The following TPRG1 variants were observed in gnomAD, a reference collection of about 807,000 sequenced individuals.
TPRG1 encodes the protein tumor protein p63 regulated 1.
In TPRG1, 29 loss-of-function variants were observed where a neutral mutation model predicts 29.3. That is an observed-to-expected ratio of 0.99 (90% CI 0.74 to 1.35). The LOEUF (loss-of-function observed/expected upper bound fraction) is 1.35, where lower values mean the gene tolerates loss of function less well. TPRG1 is among the 40% of genes most tolerant of loss of function. The pLI, the probability that TPRG1 is intolerant of heterozygous loss-of-function variation, is 0.00. For synonymous variants in TPRG1, 130 were observed against 116.8 expected (o/e 1.11, Z -0.73); for missense variants, 327 against 335.0 (o/e 0.98, Z 0.19).
chr3:189,221,042 A>G (rs542951757), intron 3 of TPRG1, among the ~76,000 whole-genome samples: 1 of 152,348 alleles, frequency 6.6e-6, no homozygotes, highest in South Asian at 2.1e-4. Context: ...ATGACACACA[A>G]ATGTAAGGGT....
intron 4 of TPRG1, among the ~76,000 whole-genome samples, chr3:189,034,783 A>G (rs1361246623): frequency 6.6e-6 from 1 of 152,216 alleles, no homozygotes; most frequent in Admixed American, 6.5e-5. Context: ...GAAAGAAATC[A>G]GAGATGACAC....
chr3:189,300,887 G>A (rs1218385688), intron 4 of TPRG1, among the ~76,000 whole-genome samples: 2 of 152,182 alleles, frequency 1.3e-5, no homozygotes, highest in African/African-American at 4.8e-5. Context: ...CTCTGGGTCA[G>A]AAATATCTGG....
intron 1 of TPRG1, among the ~76,000 whole-genome samples, chr3:189,189,064 T>C (rs1224284231): frequency 6.6e-6 from 1 of 152,200 alleles, no homozygotes; most frequent in African/African-American, 2.4e-5. Context: ...TTTGAGTATT[T>C]TTACTGGAAC....
intron 4 of TPRG1, among the ~76,000 whole-genome samples, chr3:189,077,363 TC>T (rs1322650938): frequency 6.6e-6 from 1 of 152,110 alleles, no homozygotes; most frequent in Non-Finnish European, 1.5e-5. Flanking sequence ...ATACACACTT[TC>T]TGTATTTTTG....
chr3:189,085,027 G>A (rs1717840365), intron 4 of TPRG1, among the ~76,000 whole-genome samples: 1 of 152,190 alleles, frequency 6.6e-6, no homozygotes, highest in African/African-American at 2.4e-5. Context: ...TATGATCCTT[G>A]CAGCAGTCCT....
intron 3 of TPRG1, 158 bp from the exon 4 acceptor site, chr3:189,238,575 C>G (rs1739936454): frequency 2.0e-6 from 1 of 503,094 alleles, no homozygotes; most frequent in South Asian, 3.9e-5. Context: ...TGGGACCAGA[C>G]TGAGTGGGGT....
At chr3:189,062,823 T>A (rs1404163963) in intron 4 of TPRG1, among the ~76,000 whole-genome samples, 1 of 152,048 alleles carries the variant, frequency 6.6e-6, no homozygotes, top group East Asian at 1.9e-4. Flanking sequence ...AATTTTCATA[T>A]AACCCACAGG....
intron 4 of TPRG1, among the ~76,000 whole-genome samples, chr3:189,041,602 G>T (rs1714640068): frequency 6.6e-6 from 1 of 152,206 alleles, no homozygotes. Context: ...CTCACCCCAT[G>T]TGGGGAGGTG....
At chr3:189,209,147 A>G (rs1285926028) in intron 2 of TPRG1, among the ~76,000 whole-genome samples, 1 of 152,190 alleles carries the variant, frequency 6.6e-6, no homozygotes, top group Non-Finnish European at 1.5e-5. Context: ...TGAGCTACAC[A>G]CTTAACTAGC....
intron 3 of TPRG1, among the ~76,000 whole-genome samples, chr3:189,216,710 T>C (rs1238894857): frequency 6.6e-6 from 1 of 152,224 alleles, no homozygotes; most frequent in African/African-American, 2.4e-5. Context: ...ATTTCTATAC[T>C]ATCCATCTCT....
intron 4 of TPRG1, among the ~76,000 whole-genome samples, chr3:189,299,158 G>C (rs972839670): frequency 1.2e-4 from 18 of 151,810 alleles, no homozygotes; most frequent in African/African-American, 4.1e-4. Flanking sequence ...TTTAAGAGGA[G>C]AGACAAAAAT....
intron 4 of TPRG1, among the ~76,000 whole-genome samples, chr3:189,081,012 G>C (rs1268200218): frequency 1.3e-5 from 2 of 152,132 alleles, no homozygotes; most frequent in African/African-American, 4.8e-5. Flanking sequence ...AGCAGGTGTA[G>C]AGATGAATAT....
Position 189,217,909 on chromosome 3 carries a change from CAAT to C in TPRG1, c.302+2527_302+2529del, listed in dbSNP as rs371625967. 119 of 985,300 alleles carry C rather than the reference CAAT, an allele frequency of 1.2e-4. No homozygotes were observed. The South Asian group carries it at 3.3e-3, about 27-fold the overall frequency. 61.0% of individuals were successfully genotyped at this position (985,300 alleles called of 1,614,324 possible). On this transcript the variant is annotated intron_variant, in intron 3 of 5. Transcript: ENST00000345063. ...AGGCAGGGAAAGGCAAAAACAACAACAATGAGAACACAAAAACAAAAATCCCAA... is the reference window on the plus strand; with the variant it reads ...AGGCAGGGAAAGGCAAAAACAACAACGAGAACACAAAAACAAAAATCCCAA...
intron 3 of TPRG1, among the ~76,000 whole-genome samples, chr3:189,006,477 A>G (rs948070478): frequency 6.6e-6 from 1 of 152,158 alleles, no homozygotes; most frequent in African/African-American, 2.4e-5. Flanking sequence ...ATTTGTGGAT[A>G]TAGGCTTTTG....
chr3:189,028,821 C>T (rs191172527), intron 4 of TPRG1, among the ~76,000 whole-genome samples: 33 of 152,130 alleles, frequency 2.2e-4, no homozygotes, highest in Admixed American at 1.5e-3. Flanking sequence ...TTCTACTGTA[C>T]GTTAGTTAGA....
intron 4 of TPRG1, among the ~76,000 whole-genome samples, chr3:189,029,824 C>A (rs1425590881): frequency 3.9e-5 from 6 of 152,140 alleles, no homozygotes; most frequent in Admixed American, 1.3e-4. Context: ...ATTAGTGTGG[C>A]ACCTCCCACA....
At chr3:189,135,468 AAAACCT>A (rs1178560513) in intron 3 of TPRG1, among the ~76,000 whole-genome samples, 5 of 152,218 alleles carry the variant, frequency 3.3e-5, no homozygotes, top group Admixed American at 3.3e-4. Flanking sequence ...TTAACAAGCT[AAAACCT>A]AGTCCTCTTA....
intron 2 of TPRG1, among the ~76,000 whole-genome samples, chr3:189,210,416 G>C (rs528214465): frequency 2.8e-4 from 42 of 152,226 alleles, no homozygotes; most frequent in African/African-American, 9.9e-4. Context: ...AAATGTAGAC[G>C]TGTAGGGTCT....
At chr3:189,139,512 T>C (rs758035091) in intron 3 of TPRG1, among the ~76,000 whole-genome samples, 1 of 152,200 alleles carries the variant, frequency 6.6e-6, no homozygotes, top group Admixed American at 6.5e-5. Context: ...ATATCACTGT[T>C]TGTATTATCA....
Sources: gnomAD v4.1 joint callset for allele counts (sites outside exome capture counted in the v4.1 genomes callset) on GRCh38, gnomAD v4.1.1 for gene constraint, MANE v1.5 for transcripts, NCBI Gene and HGNC (gene_info 2026-07-23, HGNC 2026-07-21) for gene names.